Variants in CSMD1 observed in about 807,000 individuals in gnomAD.
The protein encoded by CSMD1 is CUB and Sushi multiple domains 1, also known as CUB and sushi domain-containing protein 1.
A neutral mutation model predicts 417.5 loss-of-function variants in CSMD1; 213 were observed. The observed-to-expected ratio is 0.51, with a 90% CI of 0.46 to 0.57. The LOEUF is 0.57. Ranked by LOEUF, CSMD1 falls within the 20% of genes least tolerant of loss-of-function variation. CSMD1 has a pLI of 0.00. For synonymous variants in CSMD1, 2,862 were observed against 1,736.8 expected, an observed-to-expected ratio of 1.65 and a Z score of -16.11; for missense variants, 6,923 against 4,529.7, an observed-to-expected ratio of 1.53 and a Z score of -15.17.
At chr8:4,653,888 A>G (rs1804062901) in intron 1 of CSMD1, among the ~76,000 whole-genome samples, 1 of 152,104 alleles carries the variant, frequency 6.6e-6, no homozygotes, top group African/African-American at 2.4e-5. Flanking sequence ...TTCATGCAAA[A>G]TATCTCAGTA....
At chr8:4,024,720 GT>G (rs1796973325) in intron 4 of CSMD1, among the ~76,000 whole-genome samples, 1 of 152,136 alleles carries the variant, frequency 6.6e-6, no homozygotes, top group Admixed American at 6.5e-5. Flanking sequence ...GTTCATTGGA[GT>G]TGCACATAGG....
intron 10 of CSMD1, among the ~76,000 whole-genome samples, chr8:3,504,140 A>C (rs1563101518): frequency 6.6e-6 from 1 of 152,164 alleles, no homozygotes; most frequent in Non-Finnish European, 1.5e-5. Flanking sequence ...GAAGTGATGA[A>C]TATGTTAATT....
intron 5 of CSMD1, among the ~76,000 whole-genome samples, chr8:3,793,254 T>C (rs1452631365): frequency 6.6e-6 from 1 of 152,176 alleles, no homozygotes; most frequent in Admixed American, 6.5e-5. Flanking sequence ...TGGTCATCAA[T>C]CTCAAGCGAC....
intron 3 of CSMD1, among the ~76,000 whole-genome samples, chr8:4,326,121 G>A (rs1308997908): frequency 2.6e-5 from 4 of 152,124 alleles, no homozygotes; most frequent in African/African-American, 7.2e-5. Flanking sequence ...GGGCCCTACC[G>A]TCAGCGTTTC....
intron 3 of CSMD1, among the ~76,000 whole-genome samples, chr8:4,044,892 G>A (rs981237025): frequency 3.9e-5 from 6 of 152,142 alleles, no homozygotes; most frequent in African/African-American, 1.4e-4. Context: ...CTCAGGCCCA[G>A]ACTGACTTCT....
intron 1 of CSMD1, among the ~76,000 whole-genome samples, chr8:4,810,034 C>G (rs1473840608): frequency 1.3e-5 from 2 of 152,152 alleles, no homozygotes; most frequent in African/African-American, 4.8e-5. Flanking sequence ...TGAGGGTTAG[C>G]TCAATATAAA....
chr8:2,957,885 C>T (rs960268978), intron 62 of CSMD1, 78 bp from the exon 63 acceptor site: 15 of 971,590 alleles, frequency 1.5e-5, no homozygotes, highest in East Asian at 1.1e-4. Flanking sequence ...TGAAAGTACA[C>T]GCCCGAGTAA....
In CSMD1 at chr8:2,954,325, T is replaced by G. The variant is rs896414683; in HGVS notation, c.9995-57A>C. ...AAAAAACATTTATTTTTGAGTAAGT[T>G]TGAAAAAATGTCAAATTGAAGCAAT... On this transcript the variant is annotated intron_variant, in intron 64 of 69. Coordinates refer to ENST00000635120, the MANE Select transcript of CSMD1 (RefSeq NM_033225.6). The G allele has an allele frequency of 1.2e-5, 13 of 1,109,336 alleles. No homozygotes were observed. In the South Asian group the frequency reaches 2.0e-4, roughly 17 times the overall value. 68.7% of individuals were successfully genotyped at this position (1,109,336 alleles called of 1,614,324 possible).
intron 3 of CSMD1, among the ~76,000 whole-genome samples, chr8:4,208,121 T>A (rs1182708415): frequency 1.3e-5 from 2 of 149,800 alleles, no homozygotes; most frequent in Non-Finnish European, 3.0e-5. Flanking sequence ...TTCATACACA[T>A]GATGATTTTC....
intron 5 of CSMD1, among the ~76,000 whole-genome samples, chr8:3,793,557 C>T (rs1440674289): frequency 6.6e-6 from 1 of 151,798 alleles, no homozygotes; most frequent in Non-Finnish European, 1.5e-5. Context: ...ACACCCCCTC[C>T]TCCAAAGCCT....
At chr8:4,073,300 T>C (rs565162946) in intron 3 of CSMD1, among the ~76,000 whole-genome samples, 1 of 152,258 alleles carries the variant, frequency 6.6e-6, no homozygotes, top group East Asian at 1.9e-4. Flanking sequence ...AGTAAAGAAA[T>C]TTAGCTGAAG....
intron 3 of CSMD1, 43 bp downstream of exon 3, chr8:4,419,910 T>C (rs1797151239): frequency 7.9e-7 from 1 of 1,262,390 alleles, no homozygotes; most frequent in Non-Finnish European, 1.1e-6. Flanking sequence ...TATTAGATCA[T>C]TTGGACAGTG....
intron 18 of CSMD1, among the ~76,000 whole-genome samples, chr8:3,380,674 G>A (rs920882817): frequency 2.0e-5 from 3 of 152,126 alleles, no homozygotes; most frequent in African/African-American, 7.2e-5. Context: ...TCACTCATAA[G>A]AGGGAGCTGA....
At chr8:3,980,630 G>A (rs12679350) in intron 5 of CSMD1, among the ~76,000 whole-genome samples, 8,603 of 151,978 alleles carry the variant, frequency 0.057, 432 homozygotes, top group African/African-American at 0.13. Context: ...CTTACTTTTT[G>A]CTTATGGCTT....
chr8:4,610,776 T>C (rs1051224424), intron 2 of CSMD1, among the ~76,000 whole-genome samples: 10 of 152,222 alleles, frequency 6.6e-5, no homozygotes, highest in African/African-American at 2.4e-4. Flanking sequence ...TCTAATAACA[T>C]GGTTGATATT....
intron 3 of CSMD1, among the ~76,000 whole-genome samples, chr8:4,107,716 T>A (rs886608721): frequency 1.3e-5 from 2 of 152,110 alleles, no homozygotes; most frequent in African/African-American, 4.8e-5. Flanking sequence ...ACACGCTCCA[T>A]CAGATGCTGT....
At chr8:3,462,739 T>C (rs1816584420) in intron 12 of CSMD1, among the ~76,000 whole-genome samples, 1 of 152,176 alleles carries the variant, frequency 6.6e-6, no homozygotes, top group African/African-American at 2.4e-5. Context: ...CCTCTCCCAG[T>C]CCATGGAAAA....
intron 5 of CSMD1, among the ~76,000 whole-genome samples, chr8:3,972,539 G>A (rs776392388): frequency 4.1e-4 from 62 of 152,118 alleles, no homozygotes; most frequent in African/African-American, 1.2e-3. Flanking sequence ...GAATAAGCAC[G>A]TGTGACCACA....
chr8:4,003,474 G>C (rs570456014), intron 4 of CSMD1, among the ~76,000 whole-genome samples: 1 of 151,670 alleles, frequency 6.6e-6, no homozygotes, highest in Admixed American at 6.6e-5. Context: ...ACAGATACAT[G>C]GGAAAAAAAG....
Sources: gnomAD v4.1 joint callset for allele counts (sites outside exome capture counted in the v4.1 genomes callset) on GRCh38, gnomAD v4.1.1 for gene constraint, MANE v1.5 for transcripts, NCBI Gene and HGNC (gene_info 2026-07-23, HGNC 2026-07-21) for gene names.